Variants in OPA1 observed in about 807,000 individuals in gnomAD.
The protein encoded by OPA1 is OPA1 mitochondrial dynamin like GTPase.
In OPA1, 59 loss-of-function variants were observed where a neutral mutation model predicts 152.9. The observed-to-expected ratio is 0.39, with a 90% confidence interval of 0.31 to 0.48. OPA1 has a LOEUF of 0.48. Among genes scored for constraint, OPA1 ranks in the 20% least tolerant of loss-of-function variants. The pLI is 0.96. For synonymous variants in OPA1, 400 were observed against 389.9 expected (o/e 1.03, Z -0.31); for missense variants, 1,008 against 1,216.8 (o/e 0.83, Z 2.55).
chr3:193,668,773 C>T, intron 29 of OPA1: 1 of 1,217,868 alleles, frequency 8.2e-7, no homozygotes, highest in Non-Finnish European at 1.0e-6. Context: ...TACTAATAAT[C>T]ACTTTGTCAC....
rs528760760 is a variant in OPA1 at position 193,602,684 on chromosome 3, C to G, written c.32+9275C>G. 2.0e-5 allele frequency among the ~76,000 whole-genome samples: 3 copies of G among 152,268 alleles called. No homozygotes were observed. The South Asian group carries it at 6.2e-4, about 32-fold the overall frequency. ...AGTTAACTTGGACAGTTTCAGTTTT[C>G]AAATGCCATTTGTTCTTTCAAGCTT... On this transcript the variant is annotated intron_variant, in intron 1 of 30. Coordinates refer to ENST00000361510, the MANE Select transcript of OPA1 (RefSeq NM_130837.3).
intron 29 of OPA1, among the ~76,000 whole-genome samples, chr3:193,689,952 C>T (rs1196591862): frequency 1.3e-5 from 2 of 151,770 alleles, no homozygotes; most frequent in Non-Finnish European, 2.9e-5. Flanking sequence ...TTTCTCCTAA[C>T]CTCCCCACTT....
Position 193,657,246 on chromosome 3 carries a change from A to G in OPA1, c.2331+14A>G, listed in dbSNP as rs1560396138. ...GAGGACAGCTTGGTATGTTGTTTGT[A>G]TACTGGGGTATCAGCCTCATATTTT... On this transcript the variant is annotated intron_variant, in intron 23 of 30. Coordinates refer to ENST00000361510, the MANE Select transcript of OPA1 (RefSeq NM_130837.3). 2 of 1,613,240 alleles carry G rather than the reference A, an allele frequency of 1.2e-6. No individual in the cohort carries two copies. The highest frequency in any genetic ancestry group is 1.7e-6 in the Non-Finnish European group (2 of 1,179,346).
At chr3:193,604,651 G>A (rs1482747000) in intron 1 of OPA1, among the ~76,000 whole-genome samples, 10 of 151,618 alleles carry the variant, frequency 6.6e-5, no homozygotes, top group African/African-American at 2.2e-4. Context: ...ACCTGAGGTC[G>A]GGAGTTCAAG....
At chr3:193,687,686 G>A (rs1721100163) in intron 29 of OPA1, among the ~76,000 whole-genome samples, 1 of 152,158 alleles carries the variant, frequency 6.6e-6, no homozygotes, top group South Asian at 2.1e-4. Flanking sequence ...TAACTTCATT[G>A]TTTATGGATA....
rs200150628 is a variant in OPA1 at position 193,667,074 on chromosome 3, T to TA, written c.2873-90dup. Reference sequence around the variant, plus strand: ...AGTATTAGCAATAGTTCTAACATGATAAAAAATTTACTCTCCATATATATA... The same window carrying TA: ...AGTATTAGCAATAGTTCTAACATGATAAAAAAATTTACTCTCCATATATATA... On this transcript the variant is annotated intron_variant, in intron 28 of 30. Transcript: ENST00000361510. 1.6e-3 allele frequency: 1,109 copies of TA among 706,638 alleles called. 9 individuals are homozygous for TA. In the African/African-American group the frequency reaches 0.018, roughly 12 times the overall value. The allele number at this position is 706,638 out of a possible 1,614,324, so 43.8% of individuals were successfully genotyped here.
chr3:193,688,479 T>C (rs1179245943), intron 29 of OPA1, among the ~76,000 whole-genome samples: 6 of 69,330 alleles, frequency 8.7e-5, no homozygotes, highest in African/African-American at 4.7e-4. Context: ...TTTTTTTTTT[T>C]TTTTTTTTTT....
At chr3:193,665,428 A>G (rs543714289) in intron 27 of OPA1, among the ~76,000 whole-genome samples, 97 of 152,202 alleles carry the variant, frequency 6.4e-4, no homozygotes, top group Non-Finnish European at 1.2e-3. Context: ...ATCCATTTGC[A>G]TAATGGAAAT....
chr3:193,649,820 T>C (rs1171840461), intron 21 of OPA1, among the ~76,000 whole-genome samples: 1 of 152,242 alleles, frequency 6.6e-6, no homozygotes, highest in Non-Finnish European at 1.5e-5. Context: ...TAATTGTATC[T>C]ATTCTTGTTG....
In OPA1 at chr3:193,617,224, A is replaced by C; in HGVS notation, c.495A>C (p.Leu165Phe). 1.2e-6 allele frequency: 2 copies of C among 1,613,316 alleles called. No homozygotes were observed. The highest frequency in any genetic ancestry group is 4.5e-5 in the East Asian group (2 of 44,808). ...CTAGTTCAGAAGACCTTGTAAAGTT[A>C]GCACCAGACTTTGACAAGATTGTTG... ...ALPSSEDLVK[L>F]APDFDKIVES... is the part of the protein sequence containing the mutation. Residue 165 changes from leucine to phenylalanine, a missense_variant, in exon 4 of 31, where the codon TTA (leucine) becomes TTC (phenylalanine). Leu to Phe is a conservative substitution (Grantham distance 22). Coordinates refer to ENST00000361510, the MANE Select transcript of OPA1 (RefSeq NM_130837.3).
At chr3:193,665,231 TA>T (rs1393936802) in intron 27 of OPA1, among the ~76,000 whole-genome samples, 1 of 150,744 alleles carries the variant, frequency 6.6e-6, no homozygotes. Flanking sequence ...ATATAAATAG[TA>T]AAAAAAAGTG....
intron 18 of OPA1, 133 bp from the exon 19 acceptor site, chr3:193,646,932 A>C (rs530460962): frequency 7.2e-4 from 443 of 618,744 alleles, no homozygotes; most frequent in Non-Finnish European, 1.0e-3. Context: ...TCCTCACATA[A>C]ATTTTTATTG....
chr3:193,631,887 G>T, intron 8 of OPA1: 1 of 580,748 alleles, frequency 1.7e-6, no homozygotes, highest in South Asian at 2.4e-5. Context: ...AACCTATTTT[G>T]AGTGAATCTT....
chr3:193,596,744 A>G (rs570540536), intron 1 of OPA1: 3 of 152,338 alleles, frequency 2.0e-5, no homozygotes, highest in African/African-American at 4.8e-5. Flanking sequence ...AATAGTCGCA[A>G]TAATAGTCCC....
At chr3:193,597,578 C>T (rs1263313602) in intron 1 of OPA1, among the ~76,000 whole-genome samples, 1 of 151,740 alleles carries the variant, frequency 6.6e-6, no homozygotes, top group Non-Finnish European at 1.5e-5. Flanking sequence ...GTAATCCCAG[C>T]TACTCAGGAG....
Position 193,648,087 on chromosome 3 carries a change from G to A in OPA1, c.1888G>A (p.Glu630Lys), listed in dbSNP as rs751326555. Residue 630 changes from glutamate (E) to lysine (K), a missense_variant, in exon 20 of 31, where the codon GAA becomes AAA. By Grantham distance (56) the Glu-to-Lys change is moderately conservative. This residue lies in a region of OPA1 where 10 missense variants were observed against 35.8 expected (regional missense o/e 0.28). Transcript: ENST00000361510. Reference sequence around the variant, plus strand: ...TTCCTCAGCAACACGTTTTAACCTTGAAACTGAATGGAAGAATAACTATCC... The same window carrying A: ...TTCCTCAGCAACACGTTTTAACCTTAAAACTGAATGGAAGAATAACTATCC... ...DSFKATRFNL[E>K]TEWKNNYPRL... The A allele has an allele frequency of 6.2e-7, 1 of 1,613,642 alleles. No individual in the cohort carries two copies. The highest frequency in any genetic ancestry group is 1.1e-5 in the South Asian group (1 of 91,072).
chr3:193,637,296 G>C lies in OPA1; in HGVS notation c.1035+15G>C. On this transcript the variant is annotated intron_variant, in intron 10 of 30. Coordinates refer to ENST00000361510, the MANE Select transcript of OPA1 (RefSeq NM_130837.3). ...ATCTGCCACGGGTATGTGAAAAATT[G>C]ATAGTGAACTTGCCAATTAGCAAAA... The C allele has an allele frequency of 6.4e-7, 1 of 1,555,222 alleles. No individual in the cohort carries two copies. Among genetic ancestry groups the C allele is most frequent in the Non-Finnish European group, 8.9e-7 (1 of 1,128,184 alleles).
chr3:193,688,248 GA>G (rs1721180926), intron 29 of OPA1, among the ~76,000 whole-genome samples: 1 of 151,986 alleles, frequency 6.6e-6, no homozygotes, highest in African/African-American at 2.4e-5. Flanking sequence ...TGAAGACTCT[GA>G]GCATTTTTGG....
chr3:193,668,500 A>C (rs747152047), intron 29 of OPA1: 29 of 1,547,238 alleles, frequency 1.9e-5, no homozygotes, highest in East Asian at 4.9e-5. Context: ...TCTCCATCTC[A>C]TCCTTCCCAC....
Sources: allele counts gnomAD v4.1 joint callset (sites outside exome capture counted in the v4.1 genomes callset), GRCh38; gene constraint gnomAD v4.1.1; regional missense constraint gnomAD v4.1.1; transcripts MANE v1.5; gene names NCBI Gene and HGNC (gene_info 2026-07-23, HGNC 2026-07-21).